PARD3B: variants seen among roughly 807,000 people sequenced by gnomAD.
PARD3B encodes the protein par-3 family cell polarity regulator beta, also known as partitioning defective 3 homolog B.
Under a neutral mutation model 130.2 loss-of-function variants are expected in PARD3B, and 103 were observed. The observed-to-expected ratio is 0.79, with a 90% CI of 0.67 to 0.93. PARD3B has a LOEUF of 0.93. Ranked by LOEUF, PARD3B falls within the 40% of genes least tolerant of loss-of-function variation. The pLI is 0.00. For missense variants in PARD3B, 1,609 were observed against 1,499.2 expected (o/e 1.07, Z -1.21); for synonymous variants, 583 against 553.2 (o/e 1.05, Z -0.76).
chr2:204,694,674 T>C (rs534068978), intron 2 of PARD3B, among the ~76,000 whole-genome samples: 23 of 152,236 alleles, frequency 1.5e-4, no homozygotes, highest in Non-Finnish European at 2.5e-4. Context: ...GTGACCTTAC[T>C]ATAGCTAAGG....
chr2:205,004,306 C>G (rs557352379), intron 3 of PARD3B, among the ~76,000 whole-genome samples: 10 of 152,278 alleles, frequency 6.6e-5, no homozygotes, highest in African/African-American at 2.4e-4. Context: ...AGCCTGTGCT[C>G]CTGCTTCCGC....
chr2:205,364,739 C>T (rs1312286224), intron 18 of PARD3B, among the ~76,000 whole-genome samples: 1 of 152,184 alleles, frequency 6.6e-6, no homozygotes, highest in Non-Finnish European at 1.5e-5. Flanking sequence ...AACAAAGACA[C>T]TTAACAGCTA....
In PARD3B at chr2:205,331,222, G is replaced by A. The variant is rs570913032; in HGVS notation, c.2630+29521G>A. On this transcript the variant is annotated intron_variant, in intron 18 of 22. Coordinates refer to ENST00000406610, the MANE Select transcript of PARD3B (RefSeq NM_001302769.2). The stretch of plus-strand genomic sequence containing the variant: ...CACACACAGACATGTGCATACAAAC[G>A]TTCACAGATTTACGTGCATATAAGC... Among the ~76,000 whole-genome samples, 8 of 150,702 alleles carry A rather than the reference G, an allele frequency of 5.3e-5. No individual in the cohort carries two copies. The South Asian group carries it at 1.3e-3, about 24-fold the overall frequency.
At chr2:205,386,622 C>CA (rs200284556) in intron 18 of PARD3B, among the ~76,000 whole-genome samples, 4,253 of 141,744 alleles carry the variant, frequency 0.03, 61 homozygotes, top group South Asian at 0.036. Flanking sequence ...GAGAACTTAC[C>CA]AAAAAAAAAT....
chr2:205,134,750 C>G (rs924251516), intron 10 of PARD3B, among the ~76,000 whole-genome samples: 1 of 152,116 alleles, frequency 6.6e-6, no homozygotes, highest in African/African-American at 2.4e-5. Context: ...TCAGCAAAAT[C>G]TAGTCTTGAT....
At chr2:205,028,613 A>G (rs142783172) in intron 3 of PARD3B, among the ~76,000 whole-genome samples, 1 of 152,270 alleles carries the variant, frequency 6.6e-6, no homozygotes, top group Non-Finnish European at 1.5e-5. Flanking sequence ...CTCTAAGATC[A>G]GGAACCAGAC....
chr2:204,858,778 A>G (rs1007766887), intron 2 of PARD3B, among the ~76,000 whole-genome samples: 2 of 148,284 alleles, frequency 1.3e-5, no homozygotes, highest in Non-Finnish European at 3.0e-5. Flanking sequence ...ATATATACAT[A>G]TATAATATAT....
chr2:204,797,822 C>T (rs999199026), intron 2 of PARD3B, among the ~76,000 whole-genome samples: 1 of 152,088 alleles, frequency 6.6e-6, no homozygotes, highest in Non-Finnish European at 1.5e-5. Flanking sequence ...AGGAGAAATT[C>T]TCTCTATAAT....
chr2:204,867,059 A>G (rs1416700011), intron 2 of PARD3B, among the ~76,000 whole-genome samples: 1 of 151,758 alleles, frequency 6.6e-6, no homozygotes, highest in Non-Finnish European at 1.5e-5. Flanking sequence ...ATGATAGTGA[A>G]TGAGACTCTG....
intron 2 of PARD3B, among the ~76,000 whole-genome samples, chr2:204,774,413 A>C (rs947890306): frequency 6.6e-6 from 1 of 152,098 alleles, no homozygotes; most frequent in African/African-American, 2.4e-5. Flanking sequence ...AGGCGTAGAA[A>C]TCACATTTTC....
intron 22 of PARD3B, among the ~76,000 whole-genome samples, chr2:205,599,770 GA>G (rs1284218732): frequency 6.6e-6 from 1 of 152,156 alleles, no homozygotes; most frequent in Non-Finnish European, 1.5e-5. Context: ...CTGTAGGGAG[GA>G]ATCGTTGGTT....
intron 21 of PARD3B, among the ~76,000 whole-genome samples, chr2:205,536,876 C>A (rs1372179269): frequency 6.6e-6 from 1 of 152,102 alleles, no homozygotes; most frequent in Non-Finnish European, 1.5e-5. Flanking sequence ...GAAGGTAAAT[C>A]TGATTTATAG....
intron 4 of PARD3B, among the ~76,000 whole-genome samples, chr2:205,065,518 CAA>C (rs1314200722): frequency 6.6e-6 from 1 of 152,034 alleles, no homozygotes; most frequent in African/African-American, 2.4e-5. Flanking sequence ...TTGTTACCAT[CAA>C]AAGTCATGTT....
intron 14 of PARD3B, among the ~76,000 whole-genome samples, chr2:205,186,231 G>A (rs1362870810): frequency 2.6e-5 from 4 of 152,002 alleles, no homozygotes; most frequent in Non-Finnish European, 5.9e-5. Context: ...TTAGTAATTG[G>A]CAAACCCTAG....
At chr2:204,631,959 A>G (rs2034694069) in intron 1 of PARD3B, among the ~76,000 whole-genome samples, 1 of 152,170 alleles carries the variant, frequency 6.6e-6, no homozygotes, top group African/African-American at 2.4e-5. Flanking sequence ...AACATTTTAG[A>G]CAGCCCTCAG....
At chr2:204,852,432 G>C (rs1174509180) in intron 2 of PARD3B, among the ~76,000 whole-genome samples, 1 of 151,964 alleles carries the variant, frequency 6.6e-6, no homozygotes, top group Non-Finnish European at 1.5e-5. Flanking sequence ...ATTTCCTCTT[G>C]GCCAATAGTT....
At position 204,617,643 on chromosome 2, in the gene PARD3B, TACAG is replaced by T. The variant is rs570039340; in HGVS notation, c.121-68534_121-68531del. Among the ~76,000 whole-genome samples, 15 of 152,274 alleles carry T rather than the reference TACAG, an allele frequency of 9.9e-5. No homozygotes were observed. The East Asian group carries it at 2.9e-3, about 29-fold the overall frequency. On this transcript the variant is annotated intron_variant, in intron 1 of 22. Transcript: ENST00000406610. ...AATTGTGTGTTGCAGGGGTTTGGTGTACAGACAATTTTGTCACCCAAGTAACCAG... is the reference window on the plus strand; with the variant it reads ...AATTGTGTGTTGCAGGGGTTTGGTGTACAATTTTGTCACCCAAGTAACCAG...
intron 1 of PARD3B, among the ~76,000 whole-genome samples, chr2:204,546,998 A>G (rs1356382575): frequency 6.6e-5 from 10 of 152,212 alleles, no homozygotes; most frequent in Admixed American, 6.5e-4. Context: ...TTGAATCTTC[A>G]CATGGAACAT....
At chr2:205,056,979 C>G (rs1024263009) in intron 4 of PARD3B, among the ~76,000 whole-genome samples, 1 of 148,240 alleles carries the variant, frequency 6.7e-6, no homozygotes, top group Admixed American at 6.8e-5. Flanking sequence ...GGCATCAAAG[C>G]GATTGATATT....
Sources: gnomAD v4.1 joint callset for allele counts (sites outside exome capture counted in the v4.1 genomes callset) on GRCh38, gnomAD v4.1.1 for gene constraint, MANE v1.5 for transcripts, NCBI Gene and HGNC (gene_info 2026-07-23, HGNC 2026-07-21) for gene names.